PPARA: variants seen among roughly 807,000 people sequenced by gnomAD.
The protein encoded by PPARA is peroxisome proliferator activated receptor alpha, also known as peroxisome proliferator-activated receptor alpha.
In PPARA, 22 loss-of-function variants were observed where a neutral mutation model predicts 42.2. The ratio of observed to expected loss-of-function variants is 0.52; its 90% CI spans 0.37 to 0.74. The LOEUF (loss-of-function observed/expected upper bound fraction) is 0.74, where lower values mean the gene tolerates loss of function less well. Ranked by LOEUF, PPARA falls within the 30% of genes least tolerant of loss-of-function variation. The pLI is 0.00. For synonymous variants in PPARA, 242 were observed against 239.3 expected (o/e 1.01, Z -0.10); for missense variants, 465 against 608.2 (o/e 0.76, Z 2.48).
Position 46,203,831 on chromosome 22 carries a change from G to A in PPARA, c.208+5240G>A, listed in dbSNP as rs1276632510. ...GTCCCTTGCGGGCCTGTCCAGACAA[G>A]GGAACCCTGGGCAGGTTCCCTCATC... On this transcript the variant is annotated intron_variant, in intron 4 of 8. Transcript: ENST00000407236. The surrounding 1 kb of genome is among the most constrained non-coding windows in gnomAD (Gnocchi z 5.8). Among the ~76,000 whole-genome samples the A allele has an allele frequency of 6.6e-6, 1 of 151,576 alleles. No homozygotes were observed. The highest frequency in any genetic ancestry group is 1.5e-5 in the Non-Finnish European group (1 of 67,830).
Position 46,231,120 on chromosome 22 carries a change from G to A in PPARA, c.712-672G>A, listed in dbSNP as rs187478773. Among the ~76,000 whole-genome samples the A allele has an allele frequency of 3.5e-3, 532 of 151,972 alleles. 2 individuals are homozygous for A. The Middle Eastern group carries it at 0.037, about 11-fold the overall frequency. ...ACTGGAGACTGGAGTGCAGTGGCAC[G>A]ATCTTGGCTCACTGCAACGTCCACC... On this transcript the variant is annotated intron_variant, in intron 7 of 8. Transcript: ENST00000407236. This position sits in a 1 kb window ranked among gnomAD's most constrained non-coding sequence, Gnocchi z 7.7.
At chr22:46,154,608 C>A (rs985009223) in intron 2 of PPARA, among the ~76,000 whole-genome samples, 4 of 152,046 alleles carry the variant, frequency 2.6e-5, no homozygotes, top group South Asian at 4.2e-4. Context: ...CAGAGTGAGA[C>A]CTGGTCTCAA....
At chr22:46,205,931 C>T (rs1933258134) in intron 4 of PPARA, among the ~76,000 whole-genome samples, 1 of 152,030 alleles carries the variant, frequency 6.6e-6, no homozygotes, top group Admixed American at 6.6e-5. Context: ...TTGGTGTTAA[C>T]ATGGTATATC....
intron 3 of PPARA, among the ~76,000 whole-genome samples, chr22:46,194,892 T>A (rs1038778236): frequency 1.4e-4 from 19 of 139,022 alleles, no homozygotes; most frequent in Non-Finnish European, 2.0e-4. Flanking sequence ...CTGTTTTCTT[T>A]CTTTTTTTTT....
Position 46,204,315 on chromosome 22 carries a change from A to G in PPARA, c.208+5724A>G, listed in dbSNP as rs116626039. On this transcript the variant is annotated intron_variant, in intron 4 of 8. Transcript: ENST00000407236. This position sits in a 1 kb window ranked among gnomAD's most constrained non-coding sequence, Gnocchi z 5.2. Reference sequence around the variant, plus strand: ...AAAGCTGCTATGAACATTCACGTACAAGTCTCTGTACAACCCTCTGCTTTC... The same window carrying G: ...AAAGCTGCTATGAACATTCACGTACGAGTCTCTGTACAACCCTCTGCTTTC... 7.0e-3 allele frequency among the ~76,000 whole-genome samples: 1,065 copies of G among 152,304 alleles called. 12 individuals carry two copies. Among genetic ancestry groups the G allele is most frequent in the African/African-American group, 0.025 (1,028 of 41,580 alleles).
At position 46,192,809 on chromosome 22, in the gene PPARA, G is replaced by C. The variant is rs1329027117; in HGVS notation, c.-42-5533G>C. On this transcript the variant is annotated intron_variant, in intron 3 of 8. Coordinates refer to ENST00000407236, the MANE Select transcript of PPARA (RefSeq NM_005036.6). This position sits in a 1 kb window ranked among gnomAD's most constrained non-coding sequence, Gnocchi z 4.3. ...ACTATTCAGCCATAAAAAAGAATGA[G>C]ATCCTGTCATTTACAACAACATGGG... is the stretch of plus-strand genomic sequence containing the variant. Among the ~76,000 whole-genome samples, 1 of 152,160 alleles carries C rather than the reference G, an allele frequency of 6.6e-6. No individual in the cohort carries two copies. Among genetic ancestry groups the C allele is most frequent in the Admixed American group, 6.5e-5 (1 of 15,272 alleles).
In PPARA at chr22:46,219,864, A is replaced by G; in HGVS notation, c.561A>G (p.Glu187=). Residue 187 remains glutamate, a synonymous_variant, in exon 7 of 9, where the codon GAA becomes GAG. Coordinates refer to ENST00000407236, the MANE Select transcript of PPARA (RefSeq NM_005036.6). This position sits in a 1 kb window ranked among gnomAD's most constrained non-coding sequence, Gnocchi z 4.8. ...CTGAGAAAGCAAAACTGAAAGCAGA[A>G]ATTCTTACCTGTGAACATGACATAG... ...PRSEKAKLKA[E]ILTCEHDIED... 1 of 1,614,240 alleles carries G rather than the reference A, an allele frequency of 6.2e-7. No individual in the cohort carries two copies. The highest frequency in any genetic ancestry group is 8.5e-7 in the Non-Finnish European group (1 of 1,180,050).
intron 2 of PPARA, among the ~76,000 whole-genome samples, chr22:46,170,977 A>G (rs1402453640): frequency 6.7e-6 from 1 of 150,114 alleles, no homozygotes; most frequent in Non-Finnish European, 1.5e-5. Flanking sequence ...CCTGGTCAAC[A>G]TGGCAAAACC....
chr22:46,198,448 C>A lies in PPARA; in HGVS notation c.65C>A (p.Pro22Gln). 1 of 1,613,688 alleles carries A rather than the reference C, an allele frequency of 6.2e-7. No individual in the cohort carries two copies. Among genetic ancestry groups the A allele is most frequent in the Non-Finnish European group, 8.5e-7 (1 of 1,179,932 alleles). The change falls in exon 4 of 9, where the codon CCG becomes CAG. Residue 22 changes from proline to glutamine, a missense_variant. Pro to Gln is a moderately conservative substitution (Grantham distance 76, BLOSUM62 -1). Transcript: ENST00000407236. The stretch of plus-strand genomic sequence containing the variant: ...CTCGAGGCCGGCGATCTAGAGAGCC[C>A]GTTATCTGAAGAGTTCCTGCAAGAA... The part of the protein sequence containing the change: ...SPLEAGDLES[P>Q]LSEEFLQEMG...
chr22:46,158,494 C>T (rs1403864807), intron 2 of PPARA, among the ~76,000 whole-genome samples: 1 of 152,172 alleles, frequency 6.6e-6, no homozygotes, highest in African/African-American at 2.4e-5. Context: ...GTAAAAGAGA[C>T]CCAGTTATTT....
At chr22:46,168,459 CT>C (rs1927464950) in intron 2 of PPARA, among the ~76,000 whole-genome samples, 1 of 148,626 alleles carries the variant, frequency 6.7e-6, no homozygotes, top group Non-Finnish European at 1.5e-5. Context: ...TCAGAAAACA[CT>C]TAATAAAATG....
rs1930075932 is a variant in PPARA, at chr22:46,182,282, A to G, written c.-43+5446A>G. 6.6e-6 allele frequency among the ~76,000 whole-genome samples: 1 copy of G among 152,236 alleles called. No individual in the cohort carries two copies. The highest frequency in any genetic ancestry group is 2.1e-4 in the South Asian group (1 of 4,830). The stretch of plus-strand genomic sequence containing the variant: ...GAATGTCTATAGCTGCTTTATTTAT[A>G]ATAGCTCAGACTTGGAAACCATTCA... On this transcript the variant is annotated intron_variant, in intron 3 of 8. Coordinates refer to ENST00000407236, the MANE Select transcript of PPARA (RefSeq NM_005036.6). The surrounding 1 kb of genome is among the most constrained non-coding windows in gnomAD (Gnocchi z 5.2).
rs1431383009 is a variant in PPARA at position 46,196,685 on chromosome 22, G to C, written c.-42-1657G>C. 6.6e-6 allele frequency among the ~76,000 whole-genome samples: 1 copy of C among 152,194 alleles called. No homozygotes were observed. The highest frequency in any genetic ancestry group is 1.9e-4 in the East Asian group (1 of 5,194). On this transcript the variant is annotated intron_variant, in intron 3 of 8. Transcript: ENST00000407236. The surrounding 1 kb of genome is among the most constrained non-coding windows in gnomAD (Gnocchi z 5.6). ...TCACCATCTGTGTCCCAGTTACAAG[G>C]GAGGCTCCCTGAGAGCAGGGATCTG...
intron 4 of PPARA, among the ~76,000 whole-genome samples, chr22:46,207,216 C>A (rs1933401213): frequency 6.6e-6 from 1 of 150,408 alleles, no homozygotes; most frequent in Non-Finnish European, 1.5e-5. Context: ...GAGCAAGACT[C>A]CATCCCCCTG....
At position 46,235,096 on chromosome 22, in the gene PPARA, A is replaced by C. The variant is rs1936129570; in HGVS notation, c.1160-37A>C. The C allele has an allele frequency of 6.2e-7, 1 of 1,613,640 alleles. No individual in the cohort carries two copies. The stretch of plus-strand genomic sequence containing the variant: ...ACTGATAAGCAGTTCTTGGGTGATT[A>C]TCACACTCAAACCTCTCTCTCTTCT... On this transcript the variant is annotated intron_variant, in intron 8 of 8. Transcript: ENST00000407236. The surrounding 1 kb of genome is among the most constrained non-coding windows in gnomAD (Gnocchi z 7.0).
In PPARA at chr22:46,196,072, C is replaced by T. The variant is rs1471292283; in HGVS notation, c.-42-2270C>T. On this transcript the variant is annotated intron_variant, in intron 3 of 8. Transcript: ENST00000407236. The surrounding 1 kb of genome is among the most constrained non-coding windows in gnomAD (Gnocchi z 5.6). ...TTTCCAGGAGGTAGAAGAACAGTGA[C>T]AAGTGCACAGTCGGGTAGGGACAAA... Among the ~76,000 whole-genome samples the T allele has an allele frequency of 2.0e-5, 3 of 152,164 alleles. No individual in the cohort carries two copies. Among genetic ancestry groups the T allele is most frequent in the Admixed American group, 2.0e-4 (3 of 15,282 alleles).
chr22:46,182,666 T>C lies in PPARA; in HGVS notation c.-43+5830T>C, dbSNP rs1930132024. Among the ~76,000 whole-genome samples the C allele has an allele frequency of 6.6e-6, 1 of 152,130 alleles. No individual in the cohort carries two copies. The highest frequency in any genetic ancestry group is 6.6e-5 in the Admixed American group (1 of 15,262). On this transcript the variant is annotated intron_variant, in intron 3 of 8. Coordinates refer to ENST00000407236, the MANE Select transcript of PPARA (RefSeq NM_005036.6). This position sits in a 1 kb window ranked among gnomAD's most constrained non-coding sequence, Gnocchi z 5.2. The stretch of plus-strand genomic sequence containing the variant: ...ACAGGTTGATACATACGGCAAAAAA[T>C]ACCAAATTTGTACACTTTAAATATG...
chr22:46,185,922 T>A (rs1283565149), intron 3 of PPARA, among the ~76,000 whole-genome samples: 938 of 12,230 alleles, frequency 0.077, 27 homozygotes, highest in African/African-American at 0.094. Flanking sequence ...AAAAAATATA[T>A]ATATATATAT....
intron 2 of PPARA, among the ~76,000 whole-genome samples, chr22:46,174,832 CA>C (rs1431960696): frequency 1.3e-5 from 2 of 151,936 alleles, no homozygotes; most frequent in South Asian, 4.2e-4. Flanking sequence ...AACAATCAAA[CA>C]AAAAATCACT....
Sources: allele counts gnomAD v4.1 joint callset (sites outside exome capture counted in the v4.1 genomes callset), GRCh38; gene constraint gnomAD v4.1.1; non-coding constraint Gnocchi (gnomAD v3.1); transcripts MANE v1.5; gene names NCBI Gene and HGNC (gene_info 2026-07-23, HGNC 2026-07-21).